The following TRAPPC8 variants were observed in gnomAD, a reference collection of about 807,000 sequenced individuals.
TRAPPC8 encodes general sporulation gene 1 homolog.
Under a neutral mutation model 174.3 loss-of-function variants are expected in TRAPPC8, and 54 were observed. That is an observed-to-expected ratio of 0.31 (90% CI 0.25 to 0.39). The LOEUF is 0.39. Ranked by LOEUF, TRAPPC8 falls within the 10% of genes least tolerant of loss-of-function variation. TRAPPC8 has a pLI of 1.00. For missense variants in TRAPPC8, 1,531 were observed against 1,699.1 expected (o/e 0.90, Z 1.74); for synonymous variants, 630 against 579.9 (o/e 1.09, Z -1.24).
chr18:31,864,802 T>C, intron 18 of TRAPPC8, 21 bp from the exon 19 acceptor site: 7 of 1,588,972 alleles, frequency 4.4e-6, no homozygotes, highest in Non-Finnish European at 6.0e-6. Flanking sequence ...AAACAATCAA[T>C]GCCCTAAAAT....
At chr18:31,866,243 C>T (rs2034579850) in intron 18 of TRAPPC8, among the ~76,000 whole-genome samples, 1 of 152,096 alleles carries the variant, frequency 6.6e-6, no homozygotes, top group Non-Finnish European at 1.5e-5. Flanking sequence ...TAACTACACA[C>T]AGTAATTACA....
intron 1 of TRAPPC8, among the ~76,000 whole-genome samples, chr18:31,939,112 T>C (rs1210689225): frequency 1.4e-5 from 2 of 145,948 alleles, no homozygotes; most frequent in Non-Finnish European, 3.0e-5. Context: ...AAAGCTGTCT[T>C]TGAAGAATCC....
At chr18:31,859,078 G>C (rs919535584) in intron 19 of TRAPPC8, among the ~76,000 whole-genome samples, 2 of 151,186 alleles carry the variant, frequency 1.3e-5, no homozygotes, top group African/African-American at 4.9e-5. Context: ...GGGTGACAGA[G>C]TGAGACCCCA....
intron 2 of TRAPPC8, among the ~76,000 whole-genome samples, chr18:31,925,655 C>T: frequency 6.6e-6 from 1 of 152,108 alleles, no homozygotes; most frequent in Non-Finnish European, 1.5e-5. Flanking sequence ...AAAGAAGCTA[C>T]TCAGTAAAAT....
In TRAPPC8 at chr18:31,857,955, G is replaced by A. The variant is rs1488819341; in HGVS notation, c.2773C>T (p.Leu925Phe). The A allele has an allele frequency of 5.0e-6, 8 of 1,611,630 alleles. No individual in the cohort carries two copies. The highest frequency in any genetic ancestry group is 1.1e-5 in the South Asian group (1 of 90,866). The change falls in exon 20 of 29, where the codon CTT becomes TTT. Residue 925 changes from leucine to phenylalanine, a missense_variant. Transcript: ENST00000283351. ...GCTTTTCGGATTTCTCCACAGAGAA[G>A]CCCTGTAGGAAAATGTATAAAGAAC... ...EVFFIHFPTG[L>F]LCGEIRKAYV... is the part of the protein sequence containing the mutation.
chr18:31,879,495 T>C (rs1386132488), intron 12 of TRAPPC8, among the ~76,000 whole-genome samples: 1 of 152,144 alleles, frequency 6.6e-6, no homozygotes, highest in Non-Finnish European at 1.5e-5. Flanking sequence ...GAGGAAAGTT[T>C]ACAGCACTAA....
At chr18:31,880,121 A>ATATATATATAT (rs1239258266) in intron 12 of TRAPPC8, among the ~76,000 whole-genome samples, 64 of 68,990 alleles carry the variant, frequency 9.3e-4, no homozygotes, top group African/African-American at 3.7e-3. Flanking sequence ...ATATATATAT[A>ATATATATATAT]TTTTTTTTTT....
intron 12 of TRAPPC8, among the ~76,000 whole-genome samples, chr18:31,888,128 T>C (rs931505969): frequency 1.3e-5 from 2 of 152,192 alleles, no homozygotes; most frequent in Non-Finnish European, 2.9e-5. Flanking sequence ...AAGACATTTA[T>C]GTAGCCAAAA....
At chr18:31,832,890 A>G (rs1366367029) in intron 27 of TRAPPC8, among the ~76,000 whole-genome samples, 1 of 152,222 alleles carries the variant, frequency 6.6e-6, no homozygotes, top group Non-Finnish European at 1.5e-5. Flanking sequence ...AAAGATAGTA[A>G]AGAAGAAAAA....
In TRAPPC8 at chr18:31,912,337, A is replaced by C. The variant is rs145837269; in HGVS notation, c.771+1032T>G. On this transcript the variant is annotated intron_variant, in intron 5 of 28. Transcript: ENST00000283351. ...GAAACCCTCTCTCTGCTAAAAATAC[A>C]AAAATTAGCTGGGCGTGGTGGTGTG... 3.5e-3 allele frequency among the ~76,000 whole-genome samples: 533 copies of C among 152,246 alleles called. 1 individual carries two copies. Among genetic ancestry groups the C allele is most frequent in the African/African-American group, 0.012 (499 of 41,548 alleles).
intron 9 of TRAPPC8, among the ~76,000 whole-genome samples, chr18:31,906,930 T>G (rs1054580127): frequency 3.3e-5 from 5 of 152,312 alleles, no homozygotes; most frequent in South Asian, 2.1e-4. Flanking sequence ...AAAGTACATG[T>G]TCTTGATGTA....
intron 3 of TRAPPC8, 134 bp from the exon 4 acceptor site, chr18:31,916,580 T>C: frequency 1.2e-6 from 1 of 841,768 alleles, no homozygotes; most frequent in Non-Finnish European, 1.7e-6. Flanking sequence ...TAGCCCAGGC[T>C]GGAGAGCAGT....
At position 31,876,565 on chromosome 18, in the gene TRAPPC8, T is replaced by C. The variant is rs149305423; in HGVS notation, c.1729-1861A>G. 2.3e-3 allele frequency among the ~76,000 whole-genome samples: 340 copies of C among 145,464 alleles called. 1 individual carries two copies. The highest frequency in any genetic ancestry group is 0.022 in the Middle Eastern group (6 of 274). The stretch of plus-strand genomic sequence containing the variant: ...CAGATGCCAGTTCTCCTCAGAAAGA[T>C]CAAAGTAACTAATTATCCAAACAGA... On this transcript the variant is annotated intron_variant, in intron 12 of 28. Coordinates refer to ENST00000283351, the MANE Select transcript of TRAPPC8 (RefSeq NM_014939.5).
chr18:31,860,419 T>C (rs190936223), intron 19 of TRAPPC8, among the ~76,000 whole-genome samples: 2 of 152,218 alleles, frequency 1.3e-5, no homozygotes, highest in Admixed American at 1.3e-4. Flanking sequence ...CATAGCTCAT[T>C]GTTTGAGTTC....
intron 14 of TRAPPC8, among the ~76,000 whole-genome samples, chr18:31,871,889 G>A (rs762994719): frequency 8.6e-5 from 13 of 151,842 alleles, no homozygotes; most frequent in Admixed American, 2.0e-4. Context: ...GTATCTCAAG[G>A]AGAAACGTTG....
chr18:31,922,750 G>T (rs1598743844), intron 2 of TRAPPC8, among the ~76,000 whole-genome samples: 1 of 152,078 alleles, frequency 6.6e-6, no homozygotes, highest in East Asian at 1.9e-4. Flanking sequence ...ATGTTCAGTG[G>T]CTCACGCCTG....
chr18:31,916,146 A>G, intron 4 of TRAPPC8, 126 bp downstream of exon 4: 1 of 650,360 alleles, frequency 1.5e-6, no homozygotes, highest in Non-Finnish European at 2.3e-6. Flanking sequence ...ATGCTTTATT[A>G]ATAAAATTCA....
chr18:31,884,129 C>A (rs1293701311), intron 12 of TRAPPC8, among the ~76,000 whole-genome samples: 1 of 152,084 alleles, frequency 6.6e-6, no homozygotes, highest in Non-Finnish European at 1.5e-5. Flanking sequence ...GCAGAGGTTG[C>A]AATGAGCCGA....
intron 9 of TRAPPC8, among the ~76,000 whole-genome samples, chr18:31,906,263 C>T (rs1168679334): frequency 2.7e-5 from 4 of 147,408 alleles, no homozygotes; most frequent in African/African-American, 5.0e-5. Flanking sequence ...ATCTTGAACC[C>T]GGGAGGTGGA....
Sources: gnomAD v4.1 joint callset for allele counts (sites outside exome capture counted in the v4.1 genomes callset) on GRCh38, gnomAD v4.1.1 for gene constraint, MANE v1.5 for transcripts, NCBI Gene and HGNC (gene_info 2026-07-23, HGNC 2026-07-21) for gene names.